TRAPPC9: variants seen among roughly 807,000 people sequenced by gnomAD.
The protein encoded by TRAPPC9 is trafficking protein particle complex subunit 9, also known as IKK2 binding protein.
A neutral mutation model predicts 124.0 loss-of-function variants in TRAPPC9; 83 were observed. The ratio of observed to expected loss-of-function variants is 0.67; its 90% CI spans 0.56 to 0.80. TRAPPC9 has a LOEUF of 0.80. Ranked by LOEUF, TRAPPC9 falls within the 30% of genes least tolerant of loss-of-function variation. The probability of loss-of-function intolerance (pLI) is 0.00; values close to 1 mark genes in which losing one functional copy is unlikely to be tolerated. For missense variants in TRAPPC9, 1,302 were observed against 1,508.3 expected (o/e 0.86, Z 2.27); for synonymous variants, 638 against 617.5 (o/e 1.03, Z -0.49).
At chr8:139,793,156 C>T (rs562187320) in intron 21 of TRAPPC9, among the ~76,000 whole-genome samples, 4 of 152,260 alleles carry the variant, frequency 2.6e-5, no homozygotes, top group East Asian at 1.9e-4. Context: ...CTTCATCTCT[C>T]GGAGCCTACA....
At chr8:140,362,587 C>T (rs1013227966) in intron 8 of TRAPPC9, among the ~76,000 whole-genome samples, 86 of 152,108 alleles carry the variant, frequency 5.7e-4, no homozygotes, top group African/African-American at 1.9e-3. Context: ...TTTATCTTCC[C>T]GACATCTTTT....
chr8:140,129,673 C>T lies in TRAPPC9; in HGVS notation c.2556+91786G>A, dbSNP rs547801639. On this transcript the variant is annotated intron_variant, in intron 17 of 22. Transcript: ENST00000438773. ...GGATGGTGAGAGCCAGCTTTCTCCC[C>T]GAGAGAAAAGGAAGTTATGGTGAGA... Among the ~76,000 whole-genome samples, 10 of 148,442 alleles carry T rather than the reference C, an allele frequency of 6.7e-5. No homozygotes were observed. The East Asian group carries it at 1.7e-3, about 26-fold the overall frequency.
Position 139,930,297 on chromosome 8 carries a change from C to T in TRAPPC9, c.2811-19997G>A, listed in dbSNP as rs181891642. 8.9e-3 allele frequency among the ~76,000 whole-genome samples: 1,348 copies of T among 152,246 alleles called. 68 individuals are homozygous for T. Among genetic ancestry groups the T allele is most frequent in the Admixed American group, 0.077 (1,177 of 15,294 alleles). On this transcript the variant is annotated intron_variant, in intron 19 of 22. Transcript: ENST00000438773. The stretch of plus-strand genomic sequence containing the variant: ...TGTGGGGCAGTGGGGCTGCGCCAGC[C>T]GGGAGTTGATGTGTAACGTGAACAA...
chr8:140,301,472 C>T (rs1393821675), intron 10 of TRAPPC9, among the ~76,000 whole-genome samples: 3 of 152,300 alleles, frequency 2.0e-5, no homozygotes, highest in East Asian at 3.9e-4. Flanking sequence ...AGTATACTGT[C>T]GCAAATCCGA....
At chr8:139,903,124 C>T (rs78493630) in intron 20 of TRAPPC9, among the ~76,000 whole-genome samples, 2,977 of 152,268 alleles carry the variant, frequency 0.02, 95 homozygotes, top group African/African-American at 0.067. Context: ...GGACACAAGG[C>T]CCCCTGTACT....
At position 140,011,958 on chromosome 8, in the gene TRAPPC9, A is replaced by G. The variant is rs1475233646; in HGVS notation, c.2699+11979T>C. 4.6e-5 allele frequency among the ~76,000 whole-genome samples: 7 copies of G among 152,028 alleles called. No homozygotes were observed. The South Asian group carries it at 6.2e-4, about 14-fold the overall frequency. On this transcript the variant is annotated intron_variant, in intron 18 of 22. Transcript: ENST00000438773. ...CTCCCAAAGTGCTAGGATTACAGGCATGAGCCACTGCGCCAGACAATTTTT... is the reference window on the plus strand; with the variant it reads ...CTCCCAAAGTGCTAGGATTACAGGCGTGAGCCACTGCGCCAGACAATTTTT...
intron 21 of TRAPPC9, among the ~76,000 whole-genome samples, chr8:139,747,006 G>GA (rs1395645178): frequency 6.6e-6 from 1 of 152,144 alleles, no homozygotes; most frequent in Admixed American, 6.5e-5. Context: ...AAGAAACGGG[G>GA]AAAAAAATGG....
At chr8:139,968,525 G>A (rs1169792336) in intron 19 of TRAPPC9, among the ~76,000 whole-genome samples, 1 of 152,206 alleles carries the variant, frequency 6.6e-6, no homozygotes, top group East Asian at 1.9e-4. Flanking sequence ...CGTCGCTAGT[G>A]GGCAGGGATA....
At chr8:139,740,640 T>A (rs890641565) in intron 21 of TRAPPC9, among the ~76,000 whole-genome samples, 7 of 152,318 alleles carry the variant, frequency 4.6e-5, no homozygotes, top group Non-Finnish European at 1.0e-4. Flanking sequence ...CGGAAGCAGG[T>A]CCGGGAGCCC....
chr8:139,796,131 G>A (rs1016375796), intron 21 of TRAPPC9, among the ~76,000 whole-genome samples: 4 of 150,740 alleles, frequency 2.7e-5, no homozygotes, highest in African/African-American at 9.8e-5. Flanking sequence ...GGAGGAAGAG[G>A]AGAAGGAGGA....
chr8:139,791,609 C>T (rs146486250), intron 21 of TRAPPC9, among the ~76,000 whole-genome samples: 3 of 152,208 alleles, frequency 2.0e-5, no homozygotes, highest in African/African-American at 4.8e-5. Context: ...CACAGGCGCC[C>T]GTCTCCCCTG....
At chr8:139,867,476 T>C (rs778204645) in intron 21 of TRAPPC9, among the ~76,000 whole-genome samples, 37 of 152,156 alleles carry the variant, frequency 2.4e-4, no homozygotes, top group Admixed American at 3.9e-4. Flanking sequence ...TCCACACAGT[T>C]TCAAAGCACC....
rs3735803 is a variant in TRAPPC9, at chr8:140,450,963, G to A, written c.411C>T (p.Asn137=). The change falls in exon 2 of 23, where the codon AAC becomes AAT. Residue 137 remains asparagine (N), a synonymous_variant. Coordinates refer to ENST00000438773, the MANE Select transcript of TRAPPC9 (RefSeq NM_001160372.4). ...QPRTDVAFYP[N]YEDCQTVEKR... is the part of the protein sequence containing the mutation. Reference sequence around the variant, plus strand: ...TCTCCACCGTCTGGCAGTCCTCGTAGTTGGGGTAGAAAGCCACGTCGGTGC... The same window carrying A: ...TCTCCACCGTCTGGCAGTCCTCGTAATTGGGGTAGAAAGCCACGTCGGTGC... 0.48 allele frequency: 770,825 copies of A among 1,613,834 alleles called. 185,901 individuals carry two copies. Among genetic ancestry groups the A allele is most frequent in the East Asian group, 0.52 (23,130 of 44,850 alleles).
chr8:140,198,912 T>C lies in TRAPPC9; in HGVS notation c.2556+22547A>G, dbSNP rs73364917. The stretch of plus-strand genomic sequence containing the variant: ...TTATTAGCACATTCAACGTGCCAGA[T>C]ACAGTGCTTGCAATGAAGGACACCA... On this transcript the variant is annotated intron_variant, in intron 17 of 22. Transcript: ENST00000438773. Among the ~76,000 whole-genome samples, 177 of 152,278 alleles carry C rather than the reference T, an allele frequency of 1.2e-3. 1 individual carries two copies. The highest frequency in any genetic ancestry group is 4.1e-3 in the African/African-American group (170 of 41,554).
intron 14 of TRAPPC9, among the ~76,000 whole-genome samples, chr8:140,283,411 C>T (rs1404393032): frequency 1.3e-5 from 2 of 149,422 alleles, no homozygotes; most frequent in Admixed American, 1.3e-4. Context: ...TCTCCTGCCT[C>T]AGTCTCCTGA....
chr8:140,310,483 C>G (rs2066265855), intron 10 of TRAPPC9, among the ~76,000 whole-genome samples: 2 of 152,222 alleles, frequency 1.3e-5, no homozygotes, highest in South Asian at 4.1e-4. Flanking sequence ...AATCACCTCA[C>G]AAGATCAGTT....
chr8:140,199,555 AATAAATATCT>A (rs2062743571), intron 17 of TRAPPC9, among the ~76,000 whole-genome samples: 1 of 2,450 alleles, frequency 4.1e-4, no homozygotes, highest in East Asian at 9.3e-3. Context: ...CTGCTTTCTC[AATAAATATCT>A]GCTCCTACGC....
chr8:140,220,823 CAT>C (rs1208892079), intron 17 of TRAPPC9, among the ~76,000 whole-genome samples: 1 of 152,202 alleles, frequency 6.6e-6, no homozygotes, highest in East Asian at 1.9e-4. Context: ...CTGAAAGTGA[CAT>C]TGCCGCCTGC....
intron 16 of TRAPPC9, among the ~76,000 whole-genome samples, chr8:140,251,129 G>A (rs1056500559): frequency 2.6e-5 from 4 of 152,126 alleles, no homozygotes; most frequent in East Asian, 1.9e-4. Context: ...GGAATAAGAC[G>A]ACCCTGGCAG....
Sources: allele counts gnomAD v4.1 joint callset (sites outside exome capture counted in the v4.1 genomes callset), GRCh38; gene constraint gnomAD v4.1.1; transcripts MANE v1.5; gene names NCBI Gene and HGNC (gene_info 2026-07-23, HGNC 2026-07-21).